The following DLG2 variants were observed in gnomAD, a reference collection of about 807,000 sequenced individuals.
DLG2 encodes the protein discs large MAGUK scaffold protein 2.
In DLG2, 45 loss-of-function variants were observed where a neutral mutation model predicts 132.5. That is an observed-to-expected ratio of 0.34 (90% CI 0.27 to 0.44). The LOEUF is 0.44. Among genes scored for constraint, DLG2 ranks in the 20% least tolerant of loss-of-function variants. The pLI is 1.00. For synonymous variants in DLG2, 424 were observed against 419.6 expected, an observed-to-expected ratio of 1.01 and a Z score of -0.13; for missense variants, 1,045 against 1,196.9, an observed-to-expected ratio of 0.87 and a Z score of 1.87.
chr11:85,082,073 C>T (rs569694436), intron 6 of DLG2, among the ~76,000 whole-genome samples: 1 of 152,190 alleles, frequency 6.6e-6, no homozygotes, highest in South Asian at 2.1e-4. Flanking sequence ...GCAATTTCTC[C>T]TGTATCTTAG....
At chr11:83,520,347 A>G (rs2095431097) in intron 21 of DLG2, among the ~76,000 whole-genome samples, 1 of 152,204 alleles carries the variant, frequency 6.6e-6, no homozygotes. Context: ...CAAATAAAAG[A>G]TGTTTCTCAT....
intron 19 of DLG2, among the ~76,000 whole-genome samples, chr11:83,567,075 T>A (rs958755616): frequency 8.5e-5 from 13 of 152,226 alleles, no homozygotes; most frequent in African/African-American, 3.1e-4. Flanking sequence ...CATCACCTCC[T>A]AGAAATGGAA....
intron 8 of DLG2, among the ~76,000 whole-genome samples, chr11:84,212,776 A>T (rs1281981013): frequency 6.6e-6 from 1 of 152,152 alleles, no homozygotes; most frequent in Non-Finnish European, 1.5e-5. Flanking sequence ...CTACTGCCTC[A>T]GCCTCCCGAG....
At chr11:83,789,633 C>T (rs1350874750) in intron 17 of DLG2, among the ~76,000 whole-genome samples, 4 of 151,968 alleles carry the variant, frequency 2.6e-5, no homozygotes, top group East Asian at 1.9e-4. Flanking sequence ...CTGCAGCCTC[C>T]GCCTCCTGGG....
chr11:84,453,475 T>C (rs1235488961), intron 7 of DLG2, among the ~76,000 whole-genome samples: 1 of 151,518 alleles, frequency 6.6e-6, no homozygotes, highest in Non-Finnish European at 1.5e-5. Flanking sequence ...TAAAAGATGA[T>C]AGGATCAATA....
At position 84,923,168 on chromosome 11, in the gene DLG2, G is replaced by A. The variant is rs768811374; in HGVS notation, c.357+188493C>T. ...CCGGTATTCAGCTTCTCAGCACAGC[G>A]CAAGCCCCACACACACGATCCTGGG... On this transcript the variant is annotated intron_variant, in intron 6 of 27. Coordinates refer to ENST00000376104, the MANE Select transcript of DLG2 (RefSeq NM_001142699.3). The A allele has an allele frequency of 5.0e-6, 8 of 1,611,928 alleles. No homozygotes were observed. The Admixed American group carries it at 6.7e-5, about 13-fold the overall frequency.
chr11:84,615,300 G>A (rs1042349453), intron 6 of DLG2, among the ~76,000 whole-genome samples: 2 of 151,878 alleles, frequency 1.3e-5, no homozygotes, highest in South Asian at 2.1e-4. Flanking sequence ...CACAAGCATC[G>A]CACACATAGT....
At position 84,531,726 on chromosome 11, in the gene DLG2, C is replaced by T. The variant is rs961898656; in HGVS notation, c.519+2844G>A. ...GACCATGGTGTTTTATCCCAGGGGCCTGCTATTCATAGTTGGCTGTTCTTA... is the reference window on the plus strand; with the variant it reads ...GACCATGGTGTTTTATCCCAGGGGCTTGCTATTCATAGTTGGCTGTTCTTA... On this transcript the variant is annotated intron_variant, in intron 7 of 27. Transcript: ENST00000376104. Among the ~76,000 whole-genome samples the T allele has an allele frequency of 4.6e-5, 7 of 152,088 alleles. No individual in the cohort carries two copies. The South Asian group carries it at 1.2e-3, about 27-fold the overall frequency.
chr11:84,135,269 C>A (rs945215369), intron 9 of DLG2, among the ~76,000 whole-genome samples: 4 of 152,032 alleles, frequency 2.6e-5, no homozygotes, highest in African/African-American at 7.2e-5. Context: ...TAGGTAGAAT[C>A]TAGATGGAAA....
At chr11:85,151,744 T>C (rs1048384667) in intron 5 of DLG2, among the ~76,000 whole-genome samples, 2 of 152,228 alleles carry the variant, frequency 1.3e-5, no homozygotes, top group African/African-American at 4.8e-5. Context: ...CACTGATGAA[T>C]ATATCTGTCT....
chr11:85,458,410 C>A (rs933440773), intron 3 of DLG2, among the ~76,000 whole-genome samples: 2 of 152,112 alleles, frequency 1.3e-5, no homozygotes, highest in African/African-American at 2.4e-5. Flanking sequence ...TCATTCCTAT[C>A]CATATTCTGA....
chr11:84,056,100 A>G (rs2096493553), intron 11 of DLG2, among the ~76,000 whole-genome samples: 1 of 152,104 alleles, frequency 6.6e-6, no homozygotes, highest in South Asian at 2.1e-4. Context: ...ATACATGTAC[A>G]GAATGTGCAG....
At chr11:84,070,763 A>AT (rs969907126) in intron 10 of DLG2, among the ~76,000 whole-genome samples, 1 of 151,954 alleles carries the variant, frequency 6.6e-6, no homozygotes, top group African/African-American at 2.4e-5. Flanking sequence ...GTTCAAGTCA[A>AT]TTTTTTTTCT....
intron 7 of DLG2, among the ~76,000 whole-genome samples, chr11:84,345,854 C>T (rs149619524): frequency 1.2e-3 from 189 of 152,232 alleles, no homozygotes; most frequent in African/African-American, 4.2e-3. Context: ...TTTTCTGCTA[C>T]ATCAGCAGAC....
chr11:84,753,568 T>C (rs565584296), intron 6 of DLG2, among the ~76,000 whole-genome samples: 2 of 152,320 alleles, frequency 1.3e-5, no homozygotes, highest in South Asian at 4.1e-4. Flanking sequence ...AGAATTTTAT[T>C]TTTATGTGAT....
chr11:85,566,894 G>A (rs1372337804), intron 3 of DLG2, among the ~76,000 whole-genome samples: 1 of 152,098 alleles, frequency 6.6e-6, no homozygotes, highest in Non-Finnish European at 1.5e-5. Context: ...CATGGAGCTA[G>A]CTATATGTCC....
intron 22 of DLG2, among the ~76,000 whole-genome samples, chr11:83,482,090 T>C (rs1242888433): frequency 6.6e-6 from 1 of 152,122 alleles, no homozygotes; most frequent in Admixed American, 6.6e-5. Flanking sequence ...AAAAATTTTC[T>C]ATCATATTCC....
In DLG2 at chr11:84,791,768, T is replaced by C. The variant is rs11501820; in HGVS notation, c.358-257037A>G. Among the ~76,000 whole-genome samples, 520 of 152,340 alleles carry C rather than the reference T, an allele frequency of 3.4e-3. 5 individuals carry two copies. The highest frequency in any genetic ancestry group is 0.012 in the African/African-American group (492 of 41,582). On this transcript the variant is annotated intron_variant, in intron 6 of 27. Coordinates refer to ENST00000376104, the MANE Select transcript of DLG2 (RefSeq NM_001142699.3). Reference sequence around the variant, plus strand: ...GTTGCCATATAGAAATGCTACCGATTTTTGTATGTTGATTTTGTATTCTTC... The same window carrying C: ...GTTGCCATATAGAAATGCTACCGATCTTTGTATGTTGATTTTGTATTCTTC...
intron 15 of DLG2, among the ~76,000 whole-genome samples, chr11:83,879,540 T>C (rs2065623558): frequency 6.6e-6 from 1 of 152,150 alleles, no homozygotes; most frequent in African/African-American, 2.4e-5. Context: ...ATATAGCGCA[T>C]GCATTAAATT....
Sources: allele counts gnomAD v4.1 joint callset (sites outside exome capture counted in the v4.1 genomes callset), GRCh38; gene constraint gnomAD v4.1.1; transcripts MANE v1.5; gene names NCBI Gene and HGNC (gene_info 2026-07-23, HGNC 2026-07-21).